The following ARVCF variants were observed in gnomAD, a reference collection of about 807,000 sequenced individuals.
ARVCF encodes ARVCF delta catenin family member, also known as splicing regulator ARVCF.
In ARVCF, 66 loss-of-function variants were observed where a neutral mutation model predicts 90.9. The observed-to-expected ratio is 0.73, with a 90% CI of 0.60 to 0.89. The LOEUF (loss-of-function observed/expected upper bound fraction) is 0.89. Ranked by LOEUF, ARVCF falls within the 40% of genes least tolerant of loss-of-function variation. ARVCF has a pLI of 0.00. For missense variants in ARVCF, 1,469 were observed against 1,382.3 expected (o/e 1.06, Z -1.00); for synonymous variants, 653 against 603.4 (o/e 1.08, Z -1.21).
Position 19,981,666 on chromosome 22 carries a change from G to A in ARVCF, c.441C>T (p.Pro147=), listed in dbSNP as rs370945295. The change falls in exon 5 of 20, where the codon CCC becomes CCT. Residue 147 remains proline (P), a synonymous_variant. Coordinates refer to ENST00000263207, the MANE Select transcript of ARVCF (RefSeq NM_001670.3). ...RQVPVGPDGL[P]LLDGGPPLGP... The stretch of plus-strand genomic sequence containing the variant: ...CTAGTGGGGGGCCGCCATCCAGCAG[G>A]GGGAGTCCATCTGGGCCCACGGGCA... 17 of 1,607,932 alleles carry A rather than the reference G, an allele frequency of 1.1e-5. No individual in the cohort carries two copies. Among genetic ancestry groups the A allele is most frequent in the Non-Finnish European group, 1.4e-5 (17 of 1,178,060 alleles).
chr22:19,981,459 G>T lies in ARVCF; in HGVS notation c.648C>A (p.Gly216=). The T allele has an allele frequency of 1.3e-6, 2 of 1,546,436 alleles. No homozygotes were observed. The highest frequency in any genetic ancestry group is 8.7e-7 in the Non-Finnish European group (1 of 1,147,772). Residue 216 remains glycine (G), a synonymous_variant, in exon 5 of 20, where the codon GGC becomes GGA. Transcript: ENST00000263207. The stretch of plus-strand genomic sequence containing the variant: ...CATCACCAGGGCCTGGGCCAAGGGG[G>T]CCAGCACGTGGGGGCCGCATGCCCA... ...RGLGMRPPRA[G]PLGPGPGDGC...
At chr22:20,015,178 TG>T (rs1014460069) in intron 1 of ARVCF, among the ~76,000 whole-genome samples, 72 of 152,222 alleles carry the variant, frequency 4.7e-4, no homozygotes, top group Admixed American at 2.2e-3. Context: ...GGGGCTGGCT[TG>T]GCTGTGCTCA....
rs116249498 is a variant in ARVCF, at chr22:19,975,735, G to T, written c.1911C>A (p.Asp637Glu). The T allele has an allele frequency of 1.2e-6, 2 of 1,613,640 alleles. No homozygotes were observed. Among genetic ancestry groups the T allele is most frequent in the Non-Finnish European group, 1.7e-6 (2 of 1,179,970 alleles). The change falls in exon 11 of 20, where the codon GAC (aspartate) becomes GAA (glutamate). Residue 637 changes from aspartate to glutamate, a missense_variant. Asp to Glu is a conservative substitution (Grantham distance 45). Transcript: ENST00000263207. ...FHQGKKDGEM[D>E]RNFDTLDLPK... ...GCAGGTCTAGCGTGTCAAAGTTCCGGTCCATCTCACCATCCTTCTTTCCTG... is the reference window on the plus strand; with the variant it reads ...GCAGGTCTAGCGTGTCAAAGTTCCGTTCCATCTCACCATCCTTCTTTCCTG...
intron 5 of ARVCF, chr22:19,980,782 G>A (rs1054378858): frequency 4.1e-5 from 8 of 193,098 alleles, no homozygotes; most frequent in Non-Finnish European, 6.3e-5. Context: ...TCATCAAACC[G>A]CCTGCCCTGA....
At chr22:19,996,495 C>T (rs1442696630) in intron 2 of ARVCF, among the ~76,000 whole-genome samples, 4 of 152,222 alleles carry the variant, frequency 2.6e-5, no homozygotes, top group African/African-American at 9.6e-5. Flanking sequence ...AGGCTCTCCA[C>T]TTCTGTGCTT....
At chr22:19,986,586 G>A (rs1943779538) in intron 3 of ARVCF, 1 of 153,940 alleles carries the variant, frequency 6.5e-6, no homozygotes. Flanking sequence ...GGTCCCGGGA[G>A]TCAGAGCCGG....
At chr22:19,974,370 C>G (rs1161801258) in intron 11 of ARVCF, 131 bp from the exon 12 acceptor site, 5 of 1,138,654 alleles carry the variant, frequency 4.4e-6, no homozygotes, top group Non-Finnish European at 3.6e-6. Context: ...GGATGAGTCA[C>G]GTAATATTTA....
intron 19 of ARVCF, 100 bp downstream of exon 19, chr22:19,971,116 C>G: frequency 4.6e-6 from 7 of 1,536,996 alleles, no homozygotes; most frequent in Non-Finnish European, 6.2e-6. Context: ...CTGCGGGGAA[C>G]GTGCGGGAAG....
intron 3 of ARVCF, among the ~76,000 whole-genome samples, chr22:19,984,132 C>T (rs542020903): frequency 9.8e-5 from 15 of 152,290 alleles, no homozygotes; most frequent in African/African-American, 3.1e-4. Context: ...GAAACGTTAC[C>T]CAGGACTCTG....
downstream of ARVCF, chr22:19,967,681 C>A (rs763641148): frequency 1.1e-5 from 3 of 278,326 alleles, no homozygotes; most frequent in Non-Finnish European, 2.1e-5. Flanking sequence ...TTTTATTATA[C>A]TTTAGATGTT....
Position 19,970,715 on chromosome 22 carries a change from C to A in ARVCF, c.*41G>T. 7.8e-7 allele frequency: 1 copy of A among 1,286,472 alleles called. No homozygotes were observed. Among genetic ancestry groups the A allele is most frequent in the South Asian group, 1.2e-5 (1 of 80,652 alleles). 79.7% of individuals were successfully genotyped at this position (1,286,472 alleles called of 1,614,324 possible). A position where few individuals can be genotyped will look rare whatever the true frequency, so the allele number is the denominator to read the frequency against. On this transcript the variant is annotated 3_prime_UTR_variant, in exon 20 of 20. Transcript: ENST00000263207. ...GGTGGCCCTTCTTCCACGATCCAAGCCCTAAGAACAAGAGGCTGGGCCTGG... is the reference window on the plus strand; with the variant it reads ...GGTGGCCCTTCTTCCACGATCCAAGACCTAAGAACAAGAGGCTGGGCCTGG...
Position 19,982,007 on chromosome 22 carries a change from C to T in ARVCF, c.295G>A (p.Asp99Asn), listed in dbSNP as rs1459047526. ...VLEETVTVEE[D>N]PGTPTSHVSI... ...ACATGGGAAGTGGGTGTGCCGGGGT[C>T]CTCCTCCACCGTCACGGTCTCCTCC... Residue 99 changes from aspartate to asparagine, a missense_variant, in exon 4 of 20, where the codon GAC becomes AAC. Transcript: ENST00000263207. 6.2e-7 allele frequency: 1 copy of T among 1,613,084 alleles called. No individual in the cohort carries two copies. The highest frequency in any genetic ancestry group is 1.7e-5 in the Admixed American group (1 of 60,016).
chr22:19,976,662 A>C, intron 10 of ARVCF, 44 bp downstream of exon 10: 1 of 1,551,404 alleles, frequency 6.4e-7, no homozygotes, highest in Non-Finnish European at 8.7e-7. Context: ...CCAGGTACCC[A>C]CTGCACACGC....
chr22:20,014,082 G>A (rs1944935088), intron 1 of ARVCF, among the ~76,000 whole-genome samples: 1 of 152,128 alleles, frequency 6.6e-6, no homozygotes, highest in Non-Finnish European at 1.5e-5. Context: ...CACCATGTTG[G>A]CCAGGCTGGT....
intron 3 of ARVCF, among the ~76,000 whole-genome samples, chr22:19,988,088 C>T (rs967842121): frequency 6.6e-6 from 1 of 152,218 alleles, no homozygotes; most frequent in Non-Finnish European, 1.5e-5. Flanking sequence ...AGAAAGGGCT[C>T]GGGCCCAGGC....
At chr22:19,980,647 G>A (rs913752076) in intron 5 of ARVCF, 3 of 208,130 alleles carry the variant, frequency 1.4e-5, no homozygotes, top group African/African-American at 6.9e-5. Flanking sequence ...GTGCCAGGAT[G>A]TAGGGGGAGT....
At chr22:19,975,871 A>G in intron 10 of ARVCF, 114 bp from the exon 11 acceptor site, 1 of 1,049,502 alleles carries the variant, frequency 9.5e-7, no homozygotes. Context: ...CCCCATGTCC[A>G]GGCCTGGGCA....
intron 7 of ARVCF, among the ~76,000 whole-genome samples, chr22:19,978,311 G>GA (rs894361338): frequency 2.2e-4 from 34 of 152,314 alleles, no homozygotes; most frequent in African/African-American, 7.0e-4. Flanking sequence ...GCTGGGCAGG[G>GA]AAAGACAGGG....
downstream of ARVCF, chr22:19,965,405 G>C (rs138764374): frequency 6.6e-6 from 1 of 152,130 alleles, no homozygotes; most frequent in South Asian, 2.1e-4. Flanking sequence ...GCAGTGGCAC[G>C]ATCACGGCTC....
Sources: allele counts gnomAD v4.1 joint callset (sites outside exome capture counted in the v4.1 genomes callset), GRCh38; gene constraint gnomAD v4.1.1; transcripts MANE v1.5; gene names NCBI Gene and HGNC (gene_info 2026-07-23, HGNC 2026-07-21).